Variants in MGMT observed in about 807,000 individuals in gnomAD.
MGMT encodes O-6-methylguanine-DNA methyltransferase, also known as methylated-DNA--protein-cysteine methyltransferase.
In MGMT, 14 loss-of-function variants were observed where a neutral mutation model predicts 15.9. That is an observed-to-expected ratio of 0.88 (90% CI 0.58 to 1.37). MGMT has a LOEUF of 1.37. Among genes scored for constraint, MGMT ranks in the 40% most tolerant of loss-of-function variants. The pLI is 0.00. For synonymous variants in MGMT, 130 were observed against 118.2 expected (o/e 1.10, Z -0.65); for missense variants, 282 against 268.1 (o/e 1.05, Z -0.36).
intron 2 of MGMT, among the ~76,000 whole-genome samples, chr10:129,592,916 C>A (rs1221690611): frequency 6.6e-6 from 1 of 151,834 alleles, no homozygotes; most frequent in Non-Finnish European, 1.5e-5. Flanking sequence ...GCTTTCATTT[C>A]AAACACAGTA....
At chr10:129,592,469 G>A (rs937784656) in intron 2 of MGMT, among the ~76,000 whole-genome samples, 1 of 152,198 alleles carries the variant, frequency 6.6e-6, no homozygotes, top group African/African-American at 2.4e-5. Context: ...CTAAATGATG[G>A]ATAATGTTAT....
At chr10:129,666,079 G>A (rs1414525888) in intron 2 of MGMT, among the ~76,000 whole-genome samples, 3 of 152,186 alleles carry the variant, frequency 2.0e-5, no homozygotes, top group South Asian at 2.1e-4. Flanking sequence ...TAATGTTTGT[G>A]TGGGGAGGGA....
chr10:129,628,499 T>C (rs1847175332), intron 2 of MGMT, among the ~76,000 whole-genome samples: 1 of 152,188 alleles, frequency 6.6e-6, no homozygotes, highest in Non-Finnish European at 1.5e-5. Flanking sequence ...TACCTGTGTC[T>C]GCCCTGGCAT....
At chr10:129,744,428 C>T (rs987450565) in intron 3 of MGMT, among the ~76,000 whole-genome samples, 2 of 152,240 alleles carry the variant, frequency 1.3e-5, no homozygotes, top group Non-Finnish European at 2.9e-5. Context: ...GTGAGCAAGC[C>T]ACAAGCCAGA....
At chr10:129,500,259 G>C (rs571209650) in intron 1 of MGMT, among the ~76,000 whole-genome samples, 30 of 152,296 alleles carry the variant, frequency 2.0e-4, no homozygotes, top group Non-Finnish European at 3.4e-4. Flanking sequence ...CCGTAGAAGC[G>C]TGTGCTGTGG....
At chr10:129,753,948 G>T (rs1201531432) in intron 3 of MGMT, among the ~76,000 whole-genome samples, 3 of 152,136 alleles carry the variant, frequency 2.0e-5, no homozygotes, top group African/African-American at 7.2e-5. Flanking sequence ...TAGTCAACCT[G>T]GTTGGATTTA....
intron 2 of MGMT, among the ~76,000 whole-genome samples, chr10:129,692,664 C>T (rs910591053): frequency 2.0e-5 from 3 of 152,080 alleles, no homozygotes; most frequent in East Asian, 1.9e-4. Context: ...CCGGGTGTGG[C>T]GTGGGCCCAG....
At chr10:129,749,070 C>G (rs1477418026) in intron 3 of MGMT, among the ~76,000 whole-genome samples, 1 of 152,190 alleles carries the variant, frequency 6.6e-6, no homozygotes, top group Non-Finnish European at 1.5e-5. Context: ...GTTTATAATA[C>G]AGTCAGATTC....
chr10:129,509,304 T>A (rs1038366497), intron 1 of MGMT, among the ~76,000 whole-genome samples: 1 of 152,186 alleles, frequency 6.6e-6, no homozygotes, highest in Non-Finnish European at 1.5e-5. Flanking sequence ...GTTCACAGGA[T>A]GCCCATGATA....
At chr10:129,490,221 C>G (rs1003144703) in intron 1 of MGMT, among the ~76,000 whole-genome samples, 23 of 152,068 alleles carry the variant, frequency 1.5e-4, no homozygotes, top group Non-Finnish European at 2.9e-4. Context: ...TCCTTGAAAA[C>G]TTTTTAAAAA....
chr10:129,740,110 C>T (rs1296470924), intron 3 of MGMT, among the ~76,000 whole-genome samples: 1 of 152,244 alleles, frequency 6.6e-6, no homozygotes, highest in Admixed American at 6.5e-5. Flanking sequence ...AAGAATCAGT[C>T]TGCAGGGAGC....
At chr10:129,638,446 GAAAAAA>G (rs1157292152) in intron 2 of MGMT, among the ~76,000 whole-genome samples, 13 of 96,318 alleles carry the variant, frequency 1.3e-4, no homozygotes, top group African/African-American at 4.9e-4. Context: ...AAAAAAAAAA[GAAAAAA>G]AAAAGAAAAA....
chr10:129,702,677 A>G (rs1487112779), intron 2 of MGMT, among the ~76,000 whole-genome samples: 2 of 152,160 alleles, frequency 1.3e-5, no homozygotes, highest in African/African-American at 4.8e-5. Flanking sequence ...TGGCATCATG[A>G]GCTGGCATCC....
intron 2 of MGMT, among the ~76,000 whole-genome samples, chr10:129,699,308 C>T (rs926195175): frequency 6.6e-6 from 1 of 150,930 alleles, no homozygotes; most frequent in African/African-American, 2.4e-5. Flanking sequence ...ATATATAGTC[C>T]TTATGGGGAA....
chr10:129,506,774 A>G (rs890285021), intron 1 of MGMT, among the ~76,000 whole-genome samples: 1 of 152,218 alleles, frequency 6.6e-6, no homozygotes, highest in Non-Finnish European at 1.5e-5. Flanking sequence ...TTCAACGTAC[A>G]TAGTACAAAT....
At chr10:129,550,626 T>C (rs772774168) in intron 2 of MGMT, among the ~76,000 whole-genome samples, 28 of 152,076 alleles carry the variant, frequency 1.8e-4, no homozygotes, top group South Asian at 8.3e-4. Flanking sequence ...TTTGTATTTT[T>C]AGTAGAGATG....
chr10:129,714,839 C>A (rs1170901826), intron 3 of MGMT, among the ~76,000 whole-genome samples: 1 of 152,198 alleles, frequency 6.6e-6, no homozygotes, highest in South Asian at 2.1e-4. Flanking sequence ...GGTCCACTGG[C>A]AGTGGCTGGA....
At chr10:129,649,264 C>T (rs1241165297) in intron 2 of MGMT, among the ~76,000 whole-genome samples, 1 of 152,084 alleles carries the variant, frequency 6.6e-6, no homozygotes, top group African/African-American at 2.4e-5. Flanking sequence ...CTTTCTGCCC[C>T]CTTAACTATG....
chr10:129,750,446 G>C (rs1848739553), intron 3 of MGMT, among the ~76,000 whole-genome samples: 1 of 151,684 alleles, frequency 6.6e-6, no homozygotes, highest in African/African-American at 2.4e-5. Context: ...TGTATTTATG[G>C]GTTCCACATC....
Sources: gnomAD v4.1 joint callset for allele counts (sites outside exome capture counted in the v4.1 genomes callset) on GRCh38, gnomAD v4.1.1 for gene constraint, MANE v1.5 for transcripts, NCBI Gene and HGNC (gene_info 2026-07-23, HGNC 2026-07-21) for gene names.